The following TMEM214 variants were observed in gnomAD, a reference collection of about 807,000 sequenced individuals.
The protein encoded by TMEM214 is transmembrane protein 214.
A neutral mutation model predicts 89.8 loss-of-function variants in TMEM214; 71 were observed. The observed-to-expected ratio is 0.79, with a 90% CI of 0.65 to 0.96. The LOEUF is 0.96. TMEM214 is among the 40% of genes least tolerant of loss of function. The pLI, the probability that TMEM214 is intolerant of heterozygous loss-of-function variation, is 0.00. For synonymous variants in TMEM214, 332 were observed against 349.5 expected (o/e 0.95, Z 0.56); for missense variants, 754 against 843.4 (o/e 0.89, Z 1.31).
intron 4 of TMEM214, 36 bp downstream of exon 4, chr2:27,035,764 GCCT>G (rs745306102): frequency 1.9e-6 from 3 of 1,613,382 alleles, no homozygotes; most frequent in Non-Finnish European, 2.5e-6. Context: ...CATCTTGGGA[GCCT>G]CCTCCTTTTT....
rs180881796 is a variant in TMEM214 at position 27,041,559 on chromosome 2, A to G, written c.*722A>G. On this transcript the variant is annotated 3_prime_UTR_variant, in exon 17 of 17. Coordinates refer to ENST00000238788, the MANE Select transcript of TMEM214 (RefSeq NM_017727.5). ...CTTCTCTCCACTGTCCATCCCTCCT[A>G]TCATCTGTAGAGCAGAGCACAGGCA... 212 of 153,924 alleles carry G rather than the reference A, an allele frequency of 1.4e-3. 1 individual carries two copies. The highest frequency in any genetic ancestry group is 5.0e-3 in the African/African-American group (206 of 41,486). 9.5% of individuals were successfully genotyped at this position (153,924 alleles called of 1,614,324 possible). A position where few individuals can be genotyped will look rare whatever the true frequency, so the allele number is the denominator to read the frequency against.
intron 1 of TMEM214, among the ~76,000 whole-genome samples, chr2:27,033,702 C>T (rs766955754): frequency 9.2e-5 from 14 of 152,142 alleles, no homozygotes; most frequent in Admixed American, 3.9e-4. Context: ...GTTGTCATGT[C>T]GGAACCAAGA....
At chr2:27,033,232 C>T in intron 1 of TMEM214, 66 bp downstream of exon 1, 1 of 1,236,834 alleles carries the variant, frequency 8.1e-7, no homozygotes, top group Non-Finnish European at 1.0e-6. Context: ...CGAGCGGCTC[C>T]CAGAACCTGG....
At chr2:27,033,214 G>T in intron 1 of TMEM214, 48 bp downstream of exon 1, 3 of 1,244,720 alleles carry the variant, frequency 2.4e-6, no homozygotes, top group Non-Finnish European at 3.0e-6. Flanking sequence ...TGTCCGGCAG[G>T]GTCGCAGCGA....
intron 13 of TMEM214, 160 bp from the exon 14 acceptor site, chr2:27,039,581 A>G (rs1667728162): frequency 2.9e-6 from 2 of 684,838 alleles, no homozygotes; most frequent in Non-Finnish European, 5.3e-6. Context: ...GCAGCTCTGC[A>G]TGCCTCCCTC....
At chr2:27,036,340 A>G in intron 5 of TMEM214, 147 bp from the exon 6 acceptor site, 1 of 764,496 alleles carries the variant, frequency 1.3e-6, no homozygotes, top group East Asian at 2.5e-5. Context: ...GCCCACAAAC[A>G]GAACCTGCAC....
intron 5 of TMEM214, 151 bp from the exon 6 acceptor site, chr2:27,036,336 A>G: frequency 1.3e-6 from 1 of 754,942 alleles, no homozygotes. Context: ...CGAAGCCCAC[A>G]AACAGAACCT....
Position 27,033,045 on chromosome 2 carries a change from G to T in TMEM214, c.30G>T (p.Arg10=). Residue 10 remains arginine (R), a synonymous_variant, in exon 1 of 17, where the codon CGG becomes CGT. Transcript: ENST00000238788. MATKTAGVG[R]WEVVKKGRRP... is the part of the protein sequence containing the mutation. The stretch of plus-strand genomic sequence containing the variant: ...CGACCAAGACGGCGGGCGTGGGGCG[G>T]TGGGAGGTAGTGAAGAAGGGTCGGC... The T allele has an allele frequency of 3.2e-6, 4 of 1,247,332 alleles. No homozygotes were observed. Among genetic ancestry groups the T allele is most frequent in the Non-Finnish European group, 4.0e-6 (4 of 987,970 alleles). The allele number at this position is 1,247,332 out of a possible 1,614,324, so 77.3% of individuals were successfully genotyped here.
rs537984074 is a variant in TMEM214 at position 27,034,674 on chromosome 2, C to T, written c.351+408C>T. 29 of 211,518 alleles carry T rather than the reference C, an allele frequency of 1.4e-4. No individual in the cohort carries two copies. The Middle Eastern group carries it at 6.0e-3, about 44-fold the overall frequency. 13.1% of individuals were successfully genotyped at this position (211,518 alleles called of 1,614,324 possible). ...CTGGTGTGCAGTGGTGTGATCTCAG[C>T]TCACTGCAACCTCTGTCTCCTGCCT... On this transcript the variant is annotated intron_variant, in intron 2 of 16. Coordinates refer to ENST00000238788, the MANE Select transcript of TMEM214 (RefSeq NM_017727.5).
chr2:27,039,642 C>T, intron 13 of TMEM214, 99 bp from the exon 14 acceptor site: 1 of 1,054,640 alleles, frequency 9.5e-7, no homozygotes. Flanking sequence ...CAAAGCTCTG[C>T]CCAGCGCCTC....
At chr2:27,033,949 T>TGAGTCCAAGAGGAAGAGCAGTCCAA in intron 1 of TMEM214, 118 bp from the exon 2 acceptor site, 1 of 1,152,380 alleles carries the variant, frequency 8.7e-7, no homozygotes, top group South Asian at 1.4e-5. Context: ...GAAGGGGCTT[T>TGAGTCCAAGAGGAAGAGCAGTCCAA]GAGACAGGCT....
rs549472451 is a variant in TMEM214, at chr2:27,040,408, C to A, written c.1855C>A (p.Leu619Ile). Residue 619 changes from leucine to isoleucine, a missense_variant, in exon 16 of 17, where the codon CTT becomes ATT. Coordinates refer to ENST00000238788, the MANE Select transcript of TMEM214 (RefSeq NM_017727.5). ...LLRYLRELPL[L>I]FHQNVLLPLW... ...CCGCTATCTGAGAGAGCTGCCCCTG[C>A]TTTTCCACCAGAATGTGCTGCTGCC... The A allele has an allele frequency of 1.9e-6, 3 of 1,614,248 alleles. No homozygotes were observed. The African/African-American group carries it at 4.0e-5, about 22-fold the overall frequency.
At chr2:27,036,969 G>A in intron 7 of TMEM214, 108 bp from the exon 8 acceptor site, 2 of 1,140,656 alleles carry the variant, frequency 1.8e-6, no homozygotes, top group Non-Finnish European at 2.7e-6. Context: ...CTGGCAGATG[G>A]GGTAGAGTTT....
At chr2:27,033,327 G>A (rs941906882) in intron 1 of TMEM214, among the ~76,000 whole-genome samples, 161 bp downstream of exon 1, 10 of 152,190 alleles carry the variant, frequency 6.6e-5, no homozygotes, top group Admixed American at 4.6e-4. Context: ...TCCAGGGAAG[G>A]TTGCGGTCCT....
chr2:27,035,986 T>A lies in TMEM214; in HGVS notation c.654T>A (p.Gly218=), dbSNP rs1265580475. 6.2e-7 allele frequency: 1 copy of A among 1,613,990 alleles called. No individual in the cohort carries two copies. The highest frequency in any genetic ancestry group is 2.2e-5 in the East Asian group (1 of 44,874). The change falls in exon 5 of 17, where the codon GGT becomes GGA. Residue 218 remains glycine, a synonymous_variant. Transcript: ENST00000238788. ...TCTCTCCAGGGGAGTCACTACATGG[T>A]TACCGCATCTGTATCCAGGCCATCC... ...LDKTPGESLH[G]YRICIQAILQ...
intron 5 of TMEM214, 146 bp from the exon 6 acceptor site, chr2:27,036,339 CAG>C: frequency 1.3e-6 from 1 of 761,784 alleles, no homozygotes; most frequent in Non-Finnish European, 2.2e-6. Context: ...AGCCCACAAA[CAG>C]AACCTGCACC....
chr2:27,039,674 G>A (rs1667732875), intron 13 of TMEM214, 67 bp from the exon 14 acceptor site: 2 of 1,357,168 alleles, frequency 1.5e-6, no homozygotes, highest in Non-Finnish European at 2.1e-6. Context: ...TCTGGGCCCT[G>A]TAGTGTCTGT....
In TMEM214 at chr2:27,040,148, G is replaced by A; in HGVS notation, c.1741G>A (p.Ala581Thr). The change falls in exon 15 of 17, where the codon GCC becomes ACC. Residue 581 changes from alanine (A) to threonine (T), a missense_variant. Physicochemically the swap from Ala to Thr is moderately conservative, Grantham distance 58. Coordinates refer to ENST00000238788, the MANE Select transcript of TMEM214 (RefSeq NM_017727.5). ...ATVSFLSAHC[A>T]SHLAWFGDSL... Reference sequence around the variant, plus strand: ...AGTCAGCTTCCTTTCTGCCCACTGTGCCTCTCACCTTGCGTGGTTTGGTGA... The same window carrying A: ...AGTCAGCTTCCTTTCTGCCCACTGTACCTCTCACCTTGCGTGGTTTGGTGA... 6.2e-7 allele frequency: 1 copy of A among 1,607,982 alleles called. No individual in the cohort carries two copies.
rs373869458 is a variant in TMEM214, at chr2:27,040,428, G to A, written c.1875G>A (p.Leu625=). The stretch of plus-strand genomic sequence containing the variant: ...CCCTGCTTTTCCACCAGAATGTGCT[G>A]CTGCCACTGTGGCACCTCTTGCTTG... The part of the protein sequence containing the change: ...ELPLLFHQNV[L]LPLWHLLLEA... The change falls in exon 16 of 17, where the codon CTG becomes CTA. Residue 625 remains leucine, a synonymous_variant. Transcript: ENST00000238788. 3 of 1,614,216 alleles carry A rather than the reference G, an allele frequency of 1.9e-6. No individual in the cohort carries two copies. In the African/African-American group the frequency reaches 4.0e-5, roughly 22 times the overall value.
Sources: gnomAD v4.1 joint callset for allele counts (sites outside exome capture counted in the v4.1 genomes callset) on GRCh38, gnomAD v4.1.1 for gene constraint, MANE v1.5 for transcripts, NCBI Gene and HGNC (gene_info 2026-07-23, HGNC 2026-07-21) for gene names.